LANCL3: variants seen among roughly 807,000 people sequenced by gnomAD.
LANCL3 encodes the protein LanC like family member 3.
Under a neutral mutation model 26.5 loss-of-function variants are expected in LANCL3, and 19 were observed. The observed-to-expected ratio is 0.72, with a 90% CI of 0.50 to 1.05. The LOEUF is 1.05. LANCL3 is among the 50% of genes least tolerant of loss of function. The probability of loss-of-function intolerance (pLI) is 0.00; values close to 1 mark genes in which losing one functional copy is unlikely to be tolerated. For synonymous variants in LANCL3, 160 were observed against 166.6 expected (o/e 0.96, Z 0.30); for missense variants, 318 against 362.7 (o/e 0.88, Z 1.00).
intron 1 of LANCL3, among the ~76,000 whole-genome samples, chrX:37,590,268 T>A (rs782091497): frequency 5.3e-5 from 6 of 112,708 alleles, no homozygotes; most frequent in South Asian, 7.4e-4. Context: ...CTAATTCAGA[T>A]TTTCAGAGGA....
At chrX:37,664,368 T>C (rs781903816) in intron 3 of LANCL3, among the ~76,000 whole-genome samples, 13 of 111,829 alleles carry the variant, frequency 1.2e-4, no homozygotes, top group Non-Finnish European at 2.4e-4. Flanking sequence ...TGAAGATAGA[T>C]GCTTTTTAAA....
chrX:37,667,579 G>T (rs920392945), intron 4 of LANCL3, 90 bp downstream of exon 4: 1 of 697,516 alleles, frequency 1.4e-6, no homozygotes, highest in Admixed American at 5.1e-5. Context: ...GGTTTGAAAA[G>T]CATAAAAATA....
intron 1 of LANCL3, among the ~76,000 whole-genome samples, chrX:37,599,373 C>T (rs147035629): frequency 8.9e-6 from 1 of 111,856 alleles, no homozygotes; most frequent in Non-Finnish European, 1.9e-5. Flanking sequence ...GTCACTTGAC[C>T]CAGACTGATA....
chrX:37,588,609 G>T (rs1924177878), intron 1 of LANCL3, among the ~76,000 whole-genome samples: 2 of 111,869 alleles, frequency 1.8e-5, no homozygotes, highest in Admixed American at 9.5e-5. Context: ...GAATTTTCAA[G>T]AAGTATTTGA....
chrX:37,663,545 A>G (rs917820496), intron 3 of LANCL3, among the ~76,000 whole-genome samples: 7 of 111,829 alleles, frequency 6.3e-5, no homozygotes, highest in Non-Finnish European at 1.3e-4. Context: ...CTCAGTCACA[A>G]GGGGCTTTCT....
chrX:37,636,944 A>G (rs1925722315), intron 1 of LANCL3, among the ~76,000 whole-genome samples: 1 of 112,324 alleles, frequency 8.9e-6, no homozygotes, highest in African/African-American at 3.2e-5. Context: ...AAAGCCAAGC[A>G]TCCTCTAAGC....
At chrX:37,669,477 C>T (rs782788651) in intron 4 of LANCL3, among the ~76,000 whole-genome samples, 3 of 111,607 alleles carry the variant, frequency 2.7e-5, no homozygotes, top group African/African-American at 9.8e-5. Context: ...GGCACCATCC[C>T]CTCTTGGTAC....
Position 37,678,810 on chromosome X carries a change from G to A in LANCL3, c.*2997G>A, listed in dbSNP as rs1040383733. ...AACAGTATTTGCTTACTGATAACTT[G>A]AGAAACAGTCATTTTCTTGGTCTGT... On this transcript the variant is annotated 3_prime_UTR_variant, in exon 5 of 5. Transcript: ENST00000378619. The A allele has an allele frequency of 5.4e-5, 6 of 111,407 alleles. No individual in the cohort carries two copies. Among genetic ancestry groups the A allele is most frequent in the Non-Finnish European group, 1.1e-4 (6 of 52,991 alleles). 9.2% of individuals were successfully genotyped at this position (111,407 alleles called of 1,213,427 possible). A position where few individuals can be genotyped will look rare whatever the true frequency, so the allele number is the denominator to read the frequency against.
Position 37,572,336 on chromosome X carries a change from G to C in LANCL3, c.466G>C (p.Val156Leu), listed in dbSNP as rs782716688. ...GGGCAAGTTCCGGGCTCTGTGTGCCGTCTGCGCGCCGGTCTCCTTCCTGGA... is the reference window on the plus strand; with the variant it reads ...GGGCAAGTTCCGGGCTCTGTGTGCCCTCTGCGCGCCGGTCTCCTTCCTGGA... ...PLGKFRALCAVCAPVSFLECG... is the reference protein window; with the variant it reads ...PLGKFRALCALCAPVSFLECG... Residue 156 changes from valine (V) to leucine (L), a missense_variant, in exon 1 of 5, where the codon GTC (valine) becomes CTC (leucine). Physicochemically the swap from Val to Leu is conservative, Grantham distance 32 (BLOSUM62 1). Coordinates refer to ENST00000378619, the MANE Select transcript of LANCL3 (RefSeq NM_001170331.2). 2 of 1,165,042 alleles carry C rather than the reference G, an allele frequency of 1.7e-6. No homozygotes were observed. Among genetic ancestry groups the C allele is most frequent in the South Asian group, 3.8e-5 (2 of 52,754 alleles).
intron 1 of LANCL3, among the ~76,000 whole-genome samples, chrX:37,632,666 C>G (rs1202677795): frequency 2.7e-5 from 3 of 110,790 alleles, no homozygotes; most frequent in African/African-American, 9.9e-5. Flanking sequence ...CAAAATCTCT[C>G]AGCATTTGCT....
At chrX:37,618,796 G>A (rs1382754262) in intron 1 of LANCL3, among the ~76,000 whole-genome samples, 3 of 111,813 alleles carry the variant, frequency 2.7e-5, no homozygotes, top group African/African-American at 6.5e-5. Flanking sequence ...ATCTGTTTTC[G>A]AATAAAGTTA....
chrX:37,598,762 C>T (rs1300689193), intron 1 of LANCL3, among the ~76,000 whole-genome samples: 1 of 112,013 alleles, frequency 8.9e-6, no homozygotes, highest in Non-Finnish European at 1.9e-5. Context: ...CACTGATTTC[C>T]GTGATTTTTC....
chrX:37,596,813 C>T (rs1466708750), intron 1 of LANCL3, among the ~76,000 whole-genome samples: 1 of 112,273 alleles, frequency 8.9e-6, no homozygotes, highest in Non-Finnish European at 1.9e-5. Flanking sequence ...CTCCATTTAA[C>T]AGCTACATTG....
chrX:37,658,800 A>G (rs1556431806), intron 2 of LANCL3, among the ~76,000 whole-genome samples: 2 of 112,420 alleles, frequency 1.8e-5, no homozygotes, highest in Non-Finnish European at 3.8e-5. Flanking sequence ...AGGGTTAGAC[A>G]GTGCCTAATA....
chrX:37,585,256 A>T (rs1924031610), intron 1 of LANCL3, among the ~76,000 whole-genome samples: 3 of 111,755 alleles, frequency 2.7e-5, no homozygotes, highest in African/African-American at 9.8e-5. Flanking sequence ...ATGGTGCTGA[A>T]AAGAATGTCT....
At chrX:37,652,851 A>G in intron 1 of LANCL3, among the ~76,000 whole-genome samples, 1 of 112,009 alleles carries the variant, frequency 8.9e-6, no homozygotes, top group Non-Finnish European at 1.9e-5. Flanking sequence ...ACAGGAGAAC[A>G]AGCTCAAGCC....
intron 1 of LANCL3, among the ~76,000 whole-genome samples, chrX:37,603,519 C>T (rs1315376097): frequency 1.8e-5 from 2 of 111,039 alleles, no homozygotes; most frequent in African/African-American, 3.3e-5. Context: ...GAGTATATCC[C>T]GTCTTGTTTT....
chrX:37,672,321 C>T (rs1318984196), intron 4 of LANCL3, among the ~76,000 whole-genome samples: 1 of 111,644 alleles, frequency 9.0e-6, no homozygotes, highest in Admixed American at 9.5e-5. Flanking sequence ...TTACATTTCT[C>T]ACTAACAGGT....
At chrX:37,612,878 A>G (rs1924914245) in intron 1 of LANCL3, among the ~76,000 whole-genome samples, 1 of 111,860 alleles carries the variant, frequency 8.9e-6, no homozygotes, top group Admixed American at 9.5e-5. Flanking sequence ...TAAAAGTGGG[A>G]AGGATATGTT....
Sources: allele counts gnomAD v4.1 joint callset (sites outside exome capture counted in the v4.1 genomes callset), GRCh38; gene constraint gnomAD v4.1.1; transcripts MANE v1.5; gene names NCBI Gene and HGNC (gene_info 2026-07-23, HGNC 2026-07-21).